LYPD1: variants seen among roughly 807,000 people sequenced by gnomAD.
LYPD1 encodes the protein LY6/PLAUR domain containing 1, also known as ly6/PLAUR domain-containing protein 1.
In LYPD1, 14 loss-of-function variants were observed where a neutral mutation model predicts 14.2. That is an observed-to-expected ratio of 0.99 (90% confidence interval 0.65 to 1.54). The LOEUF (loss-of-function observed/expected upper bound fraction) is 1.54. Among genes scored for constraint, LYPD1 ranks in the 40% most tolerant of loss-of-function variants. The pLI, the probability that LYPD1 is intolerant of heterozygous loss-of-function variation, is 0.00. For synonymous variants in LYPD1, 85 were observed against 70.6 expected (o/e 1.20, Z -1.02); for missense variants, 165 against 175.7 (o/e 0.94, Z 0.34).
chr2:132,669,806 T>C lies in LYPD1; in HGVS notation c.52+75A>G. ...CAGGGCTGGCCCCGAGGTGGGCGCC[T>C]TGGGGGCAAAAGGGCTGGCGGGTAG... On this transcript the variant is annotated intron_variant, in intron 1 of 2. Transcript: ENST00000397463. This position sits in a 1 kb window ranked among gnomAD's most constrained non-coding sequence, Gnocchi z 4.3. The C allele has an allele frequency of 1.3e-6, 2 of 1,582,700 alleles. No homozygotes were observed. Among genetic ancestry groups the C allele is most frequent in the South Asian group, 2.3e-5 (2 of 87,364 alleles).
chr2:132,660,084 C>G (rs1682843717), intron 2 of LYPD1, among the ~76,000 whole-genome samples: 1 of 152,244 alleles, frequency 6.6e-6, no homozygotes, highest in Non-Finnish European at 1.5e-5. Context: ...CGGCCCGCCT[C>G]TAGCACTGTC....
At position 132,670,188 on chromosome 2, in the gene LYPD1, G is replaced by T; in HGVS notation, c.-256C>A. On this transcript the variant is annotated 5_prime_UTR_variant, in exon 1 of 3. Coordinates refer to ENST00000397463, the MANE Select transcript of LYPD1 (RefSeq NM_144586.7). The surrounding 1 kb of genome is among the most constrained non-coding windows in gnomAD (Gnocchi z 4.5). The stretch of plus-strand genomic sequence containing the variant: ...GGCCGAGCACCGCGCCTCCGGAGTT[G>T]GCGGCTGAGACTGAAGGAACTACTG... 7.9e-7 allele frequency: 1 copy of T among 1,264,262 alleles called. No individual in the cohort carries two copies. Among genetic ancestry groups the T allele is most frequent in the Non-Finnish European group, 1.0e-6 (1 of 983,796 alleles). The allele number at this position is 1,264,262 out of a possible 1,614,324, so 78.3% of individuals were successfully genotyped here.
intron 2 of LYPD1, among the ~76,000 whole-genome samples, chr2:132,660,791 A>G (rs1025804105): frequency 2.6e-5 from 4 of 152,210 alleles, no homozygotes. Context: ...TTAAATGAGT[A>G]AGGAGTTCTG....
rs899428620 is a variant in LYPD1 at position 132,669,123 on chromosome 2, G to A, written c.53-586C>T. 1.3e-5 allele frequency among the ~76,000 whole-genome samples: 2 copies of A among 152,154 alleles called. No individual in the cohort carries two copies. The highest frequency in any genetic ancestry group is 4.8e-5 in the African/African-American group (2 of 41,450). On this transcript the variant is annotated intron_variant, in intron 1 of 2. Transcript: ENST00000397463. The surrounding 1 kb of genome is among the most constrained non-coding windows in gnomAD (Gnocchi z 4.3). ...CGCAAGTCCCCGAGCCCGGGTCGGCGGCCCTTCTCCGGGGCCGTCCCCGCG... is the reference window on the plus strand; with the variant it reads ...CGCAAGTCCCCGAGCCCGGGTCGGCAGCCCTTCTCCGGGGCCGTCCCCGCG...
rs1168976417 is a variant in LYPD1 at position 132,644,501 on chromosome 2, C to T, written c.*1544G>A. On this transcript the variant is annotated 3_prime_UTR_variant, in exon 3 of 3. Coordinates refer to ENST00000397463, the MANE Select transcript of LYPD1 (RefSeq NM_144586.7). ...TATGAGCATCATGATTATAGGTGTG[C>T]ATACCTAGTATGTATATGTCCAAAA... Among the ~76,000 whole-genome samples, 1 of 152,218 alleles carries T rather than the reference C, an allele frequency of 6.6e-6. No homozygotes were observed. Among genetic ancestry groups the T allele is most frequent in the Non-Finnish European group, 1.5e-5 (1 of 68,042 alleles).
chr2:132,654,383 G>C (rs2709528), intron 2 of LYPD1, among the ~76,000 whole-genome samples: 99,240 of 150,208 alleles, frequency 0.66, 33,995 homozygotes, highest in African/African-American at 0.86. Flanking sequence ...CCTCGTGACA[G>C]AGTGAGACCC....
upstream of LYPD1, chr2:132,670,254 A>C: frequency 3.5e-5 from 16 of 456,690 alleles, no homozygotes; most frequent in Non-Finnish European, 4.6e-5. This position sits in a 1 kb window ranked among gnomAD's most constrained non-coding sequence, Gnocchi z 4.5. Flanking sequence ...TTTTCTCCCC[A>C]CCTCCCACTC....
chr2:132,652,526 G>A (rs1682396785), intron 2 of LYPD1, among the ~76,000 whole-genome samples: 1 of 152,172 alleles, frequency 6.6e-6, no homozygotes, highest in Admixed American at 6.5e-5. Flanking sequence ...CAGACCCAGA[G>A]CTAGAAGGCT....
intron 2 of LYPD1, among the ~76,000 whole-genome samples, chr2:132,656,509 C>T (rs915234545): frequency 2.6e-5 from 4 of 151,508 alleles, no homozygotes; most frequent in East Asian, 1.9e-4. Context: ...AAAAGATCTT[C>T]GATCTGCATC....
chr2:132,665,622 G>A (rs114130964), intron 2 of LYPD1, among the ~76,000 whole-genome samples: 1,531 of 152,292 alleles, frequency 0.01, 30 homozygotes, highest in African/African-American at 0.035. Context: ...GGCTTCAAGC[G>A]CCTCTTAGTA....
chr2:132,645,118 T>C lies in LYPD1; in HGVS notation c.*927A>G, dbSNP rs148565069. On this transcript the variant is annotated 3_prime_UTR_variant, in exon 3 of 3. Transcript: ENST00000397463. ...CTGCCCAGGGCTGATTGTTGTGACATTGGCCGTATGCTGGATGCCCAACCA... is the reference window on the plus strand; with the variant it reads ...CTGCCCAGGGCTGATTGTTGTGACACTGGCCGTATGCTGGATGCCCAACCA... 1.4e-5 allele frequency: 23 copies of C among 1,613,068 alleles called. No homozygotes were observed. In the African/African-American group the frequency reaches 1.9e-4, roughly 13 times the overall value.
intron 2 of LYPD1, among the ~76,000 whole-genome samples, chr2:132,666,227 T>C (rs2104926269): frequency 6.6e-6 from 1 of 152,316 alleles, no homozygotes. Context: ...TCTCTATCCT[T>C]ATTGGCAAAA....
chr2:132,658,448 A>G (rs1682731081), intron 2 of LYPD1, among the ~76,000 whole-genome samples: 1 of 152,184 alleles, frequency 6.6e-6, no homozygotes, highest in African/African-American at 2.4e-5. Flanking sequence ...TAATGAAGGG[A>G]TGGAAAATGC....
intron 2 of LYPD1, among the ~76,000 whole-genome samples, chr2:132,665,886 T>C (rs569635549): frequency 6.6e-6 from 1 of 152,218 alleles, no homozygotes; most frequent in Non-Finnish European, 1.5e-5. Context: ...TAGGAGTCAC[T>C]GGGCTCTTTC....
At position 132,668,401 on chromosome 2, in the gene LYPD1, G is replaced by A. The variant is rs772102691; in HGVS notation, c.189C>T (p.Ala63=). ...GGGGGAGGGCTGCCAGGCTCTTACC[G>A]GCACTTTGCTCCATCACTTCTTTCT... ...MCQKEVMEQS[A]GIMYRKSCAS... The change falls in exon 2 of 3, where the codon GCC becomes GCT. Residue 63 remains alanine (A), a splice_region_variant and synonymous_variant. Transcript: ENST00000397463. 12 of 1,602,944 alleles carry A rather than the reference G, an allele frequency of 7.5e-6. No homozygotes were observed. Among genetic ancestry groups the A allele is most frequent in the African/African-American group, 4.0e-5 (3 of 74,348 alleles).
At chr2:132,660,093 T>A (rs1462862976) in intron 2 of LYPD1, among the ~76,000 whole-genome samples, 1 of 152,220 alleles carries the variant, frequency 6.6e-6, no homozygotes, top group East Asian at 1.9e-4. Flanking sequence ...TCTAGCACTG[T>A]CTCCAGTCAT....
intron 2 of LYPD1, among the ~76,000 whole-genome samples, chr2:132,647,391 G>T (rs2104893807): frequency 6.6e-6 from 1 of 152,332 alleles, no homozygotes; most frequent in East Asian, 1.9e-4. Context: ...GGATTTTTTA[G>T]GGGGAGAGGG....
At chr2:132,655,537 T>C (rs1386337102) in intron 2 of LYPD1, among the ~76,000 whole-genome samples, 9 of 149,052 alleles carry the variant, frequency 6.0e-5, no homozygotes, top group Middle Eastern at 3.5e-3. Flanking sequence ...TTTTTTGAGA[T>C]GGAGTCTCGC....
chr2:132,645,933 C>A lies in LYPD1; in HGVS notation c.*112G>T. 2 of 785,840 alleles carry A rather than the reference C, an allele frequency of 2.5e-6. No homozygotes were observed. The highest frequency in any genetic ancestry group is 2.1e-5 in the South Asian group (1 of 48,598). The allele number at this position is 785,840 out of a possible 1,614,324, so 48.7% of individuals were successfully genotyped here. On this transcript the variant is annotated 3_prime_UTR_variant, in exon 3 of 3. Transcript: ENST00000397463. ...AGGAACAAAAGAGAACACGGACTCCCGCTCCCTACCCAGAATAAAAGGACA... is the reference window on the plus strand; with the variant it reads ...AGGAACAAAAGAGAACACGGACTCCAGCTCCCTACCCAGAATAAAAGGACA...
Sources: allele counts gnomAD v4.1 joint callset (sites outside exome capture counted in the v4.1 genomes callset), GRCh38; gene constraint gnomAD v4.1.1; non-coding constraint Gnocchi (gnomAD v3.1); transcripts MANE v1.5; gene names NCBI Gene and HGNC (gene_info 2026-07-23, HGNC 2026-07-21).